Variants in PLCXD3 observed in about 807,000 individuals in gnomAD.
PLCXD3 encodes the protein PI-PLC X domain-containing protein 3.
In PLCXD3, 19 loss-of-function variants were observed where a neutral mutation model predicts 25.5. The ratio of observed to expected loss-of-function variants is 0.75; its 90% confidence interval spans 0.52 to 1.09. PLCXD3 has a LOEUF of 1.09. Among genes scored for constraint, PLCXD3 ranks in the 50% least tolerant of loss-of-function variants. The probability of loss-of-function intolerance (pLI) is 0.00; values close to 1 mark genes in which losing one functional copy is unlikely to be tolerated. For synonymous variants in PLCXD3, 174 were observed against 137.6 expected (o/e 1.26, Z -1.85); for missense variants, 411 against 388.1 (o/e 1.06, Z -0.50).
At chr5:41,392,623 T>A (rs1277458954) in intron 1 of PLCXD3, among the ~76,000 whole-genome samples, 4 of 152,094 alleles carry the variant, frequency 2.6e-5, no homozygotes, top group Non-Finnish European at 4.4e-5. Context: ...AAGACTACAA[T>A]AAATACCTAA....
At chr5:41,444,544 TC>T (rs1331966194) in intron 1 of PLCXD3, among the ~76,000 whole-genome samples, 1 of 152,144 alleles carries the variant, frequency 6.6e-6, no homozygotes, top group African/African-American at 2.4e-5. Flanking sequence ...TCTTATTTTG[TC>T]CCCACCACTT....
chr5:41,390,634 C>T (rs754714201), intron 1 of PLCXD3, among the ~76,000 whole-genome samples: 3 of 151,936 alleles, frequency 2.0e-5, no homozygotes, highest in Non-Finnish European at 4.4e-5. Flanking sequence ...GAGAGACAGG[C>T]AGAGCAAGAG....
intron 2 of PLCXD3, among the ~76,000 whole-genome samples, chr5:41,316,751 A>C (rs779220158): frequency 2.8e-4 from 43 of 152,112 alleles, no homozygotes; most frequent in Non-Finnish European, 5.0e-4. Flanking sequence ...GGTGGTGGCT[A>C]TAGGGTGAGG....
intron 1 of PLCXD3, among the ~76,000 whole-genome samples, chr5:41,432,910 A>G (rs1184927475): frequency 6.6e-6 from 1 of 152,104 alleles, no homozygotes; most frequent in African/African-American, 2.4e-5. Flanking sequence ...GGGCCTATAC[A>G]CTCTGTCCAC....
At position 41,309,924 on chromosome 5, in the gene PLCXD3, GA is replaced by G. The variant is rs1181531520; in HGVS notation, c.*3692del. 1 of 152,022 alleles carries G rather than the reference GA, an allele frequency of 6.6e-6. No individual in the cohort carries two copies. Among genetic ancestry groups the G allele is most frequent in the Non-Finnish European group, 1.5e-5 (1 of 67,984 alleles). 9.4% of individuals were successfully genotyped at this position (152,022 alleles called of 1,614,324 possible). A position where few individuals can be genotyped will look rare whatever the true frequency, so the allele number is the denominator to read the frequency against. On this transcript the variant is annotated 3_prime_UTR_variant, in exon 3 of 3. Coordinates refer to ENST00000377801, the MANE Select transcript of PLCXD3 (RefSeq NM_001005473.3). ...CTAATGTAGGAGATATTGATTTTAA[GA>G]GTTGAAACAGCAATAGACTCAGATT...
intron 1 of PLCXD3, among the ~76,000 whole-genome samples, chr5:41,461,778 G>C (rs1441674014): frequency 2.0e-5 from 3 of 151,880 alleles, no homozygotes; most frequent in African/African-American, 7.3e-5. Context: ...CAGTATCACG[G>C]TCAGAACTCA....
rs1748841328 is a variant in PLCXD3, at chr5:41,496,534, A to G, written c.103+13890T>C. ...TTTCTCAGCAGAAAAATTGTGAGAC[A>G]GAAGGAAGTAGAATAATAACAACCA... On this transcript the variant is annotated intron_variant, in intron 1 of 2. Transcript: ENST00000377801. Among the ~76,000 whole-genome samples the G allele has an allele frequency of 4.6e-5, 7 of 151,868 alleles. 1 individual carries two copies. The South Asian group carries it at 1.5e-3, about 32-fold the overall frequency.
chr5:41,345,783 A>C (rs1442517294), intron 2 of PLCXD3, among the ~76,000 whole-genome samples: 1 of 150,920 alleles, frequency 6.6e-6, no homozygotes, highest in Admixed American at 6.6e-5. Flanking sequence ...CTCATGGTTA[A>C]CTCCATATTT....
chr5:41,479,448 C>A (rs947586397), intron 1 of PLCXD3, among the ~76,000 whole-genome samples: 8 of 151,924 alleles, frequency 5.3e-5, no homozygotes, highest in African/African-American at 1.9e-4. Flanking sequence ...GTACTTAATG[C>A]CACAGAATTG....
At chr5:41,404,062 A>T (rs1031963728) in intron 1 of PLCXD3, among the ~76,000 whole-genome samples, 1 of 152,176 alleles carries the variant, frequency 6.6e-6, no homozygotes, top group East Asian at 1.9e-4. Context: ...TGGCTCTTCC[A>T]AGCAAATGAC....
At chr5:41,337,422 T>C (rs936278305) in intron 2 of PLCXD3, among the ~76,000 whole-genome samples, 2 of 152,172 alleles carry the variant, frequency 1.3e-5, no homozygotes, top group African/African-American at 2.4e-5. Context: ...ATTGATTACA[T>C]CATCAGGACT....
chr5:41,347,082 C>T (rs1744320639), intron 2 of PLCXD3, among the ~76,000 whole-genome samples: 1 of 152,154 alleles, frequency 6.6e-6, no homozygotes, highest in African/African-American at 2.4e-5. Context: ...AACTGCAAAA[C>T]TGACTTCCAA....
chr5:41,361,210 C>G (rs978660211), intron 2 of PLCXD3, among the ~76,000 whole-genome samples: 6 of 152,142 alleles, frequency 3.9e-5, no homozygotes, highest in African/African-American at 1.4e-4. Context: ...GGCCTCACCC[C>G]ACTCCCATGC....
intron 2 of PLCXD3, among the ~76,000 whole-genome samples, chr5:41,355,230 G>A (rs949225770): frequency 2.6e-5 from 4 of 152,160 alleles, no homozygotes; most frequent in South Asian, 2.1e-4. Flanking sequence ...GAAAATACCC[G>A]TGGAGTTTTA....
At chr5:41,507,185 C>A (rs1479400048) in intron 1 of PLCXD3, among the ~76,000 whole-genome samples, 2 of 152,162 alleles carry the variant, frequency 1.3e-5, no homozygotes, top group East Asian at 1.9e-4. Context: ...CTCACTTTTA[C>A]CTAAATTTTA....
chr5:41,445,948 G>A (rs898304114), intron 1 of PLCXD3, among the ~76,000 whole-genome samples: 6 of 151,898 alleles, frequency 4.0e-5, no homozygotes, highest in Non-Finnish European at 5.9e-5. Flanking sequence ...AGCACTTTGG[G>A]AGGCCGAGGC....
At chr5:41,496,627 C>CAAA (rs71608608) in intron 1 of PLCXD3, among the ~76,000 whole-genome samples, 33 of 114,710 alleles carry the variant, frequency 2.9e-4, no homozygotes, top group African/African-American at 8.9e-4. Flanking sequence ...TTTCCCAGAC[C>CAAA]AAAAAAAAAA....
intron 1 of PLCXD3, among the ~76,000 whole-genome samples, chr5:41,496,016 A>G (rs1748829030): frequency 6.6e-6 from 1 of 152,140 alleles, no homozygotes. Flanking sequence ...AAACTTCATC[A>G]AACAGAAAAT....
intron 2 of PLCXD3, among the ~76,000 whole-genome samples, chr5:41,329,655 A>G (rs1743731356): frequency 6.6e-6 from 1 of 151,912 alleles, no homozygotes; most frequent in African/African-American, 2.4e-5. Flanking sequence ...TGACCAGTCA[A>G]TTTGAAAGGT....
Sources: gnomAD v4.1 joint callset for allele counts (sites outside exome capture counted in the v4.1 genomes callset) on GRCh38, gnomAD v4.1.1 for gene constraint, MANE v1.5 for transcripts, NCBI Gene and HGNC (gene_info 2026-07-23, HGNC 2026-07-21) for gene names.